The following WASF1 variants were observed in gnomAD, a reference collection of about 807,000 sequenced individuals.
WASF1 encodes the protein WASP family member 1.
In WASF1, 7 loss-of-function variants were observed where a neutral mutation model predicts 50.5. That is an observed-to-expected ratio of 0.14 (90% CI 0.08 to 0.26). The LOEUF (loss-of-function observed/expected upper bound fraction) is 0.26. Among genes scored for constraint, WASF1 ranks in the 10% least tolerant of loss-of-function variants. WASF1 has a pLI of 1.00. For missense variants in WASF1, 470 were observed against 694.7 expected, an observed-to-expected ratio of 0.68 and a Z score of 3.64; for synonymous variants, 205 against 244.0, an observed-to-expected ratio of 0.84 and a Z score of 1.49.
rs115963351 is a variant in WASF1 at position 110,164,814 on chromosome 6, T to C, written c.-126-4082A>G. Reference sequence around the variant, plus strand: ...ACCAACCAGTATGTCCTCGAGTAGGTAAGTAAAATAAAGTGTGGTACACCC... The same window carrying C: ...ACCAACCAGTATGTCCTCGAGTAGGCAAGTAAAATAAAGTGTGGTACACCC... On this transcript the variant is annotated intron_variant, in intron 2 of 10. Transcript: ENST00000392589. Among the ~76,000 whole-genome samples the C allele has an allele frequency of 5.2e-3, 790 of 151,540 alleles. 9 individuals are homozygous for C. The highest frequency in any genetic ancestry group is 0.019 in the African/African-American group (770 of 41,436).
chr6:110,160,815 G>C (rs185388383), intron 2 of WASF1, 83 bp from the exon 3 acceptor site: 10 of 151,348 alleles, frequency 6.6e-5, no homozygotes, highest in Non-Finnish European at 1.2e-4. Context: ...CTTTTTCTTT[G>C]AATAATTAGA....
chr6:110,117,710 G>A lies in WASF1; in HGVS notation c.134-4250C>T, dbSNP rs772113703. ...AAGAGCAACCCCAAGACACATAATT[G>A]TCAGATTCACCAAGGTTGAAATGAA... On this transcript the variant is annotated intron_variant, in intron 4 of 10. Transcript: ENST00000392589. Among the ~76,000 whole-genome samples, 136 of 152,182 alleles carry A rather than the reference G, an allele frequency of 8.9e-4. 1 individual carries two copies. The highest frequency in any genetic ancestry group is 1.3e-3 in the Admixed American group (20 of 15,296).
chr6:110,115,027 G>A (rs184552054), intron 4 of WASF1, among the ~76,000 whole-genome samples: 189 of 151,940 alleles, frequency 1.2e-3, no homozygotes, highest in African/African-American at 3.9e-3. Flanking sequence ...AGGAGGTCGA[G>A]GCTATTGTGA....
chr6:110,122,313 G>T (rs755543152), intron 4 of WASF1, among the ~76,000 whole-genome samples: 1 of 150,820 alleles, frequency 6.6e-6, no homozygotes, highest in African/African-American at 2.4e-5. Flanking sequence ...TGGCAAAAGC[G>T]TTCCAATTAT....
chr6:110,141,035 AT>A (rs997407504), intron 3 of WASF1, among the ~76,000 whole-genome samples: 22 of 151,640 alleles, frequency 1.5e-4, no homozygotes, highest in African/African-American at 3.4e-4. Flanking sequence ...AAACTTATGA[AT>A]TTTTTTTTCT....
chr6:110,141,828 A>G (rs1315921094), intron 3 of WASF1, among the ~76,000 whole-genome samples: 1 of 151,810 alleles, frequency 6.6e-6, no homozygotes, highest in Non-Finnish European at 1.5e-5. Flanking sequence ...CTGGAGTACA[A>G]TGGCATGATC....
rs1398651885 is a variant in WASF1 at position 110,179,452 on chromosome 6, G to A, written c.-285C>T. ...ACTCGCGCTCACCGTGAAATCTTGG[G>A]GGCTCACGCCTTACCCCTTCTTCAT... On this transcript the variant is annotated 5_prime_UTR_variant, in exon 1 of 11. Transcript: ENST00000392589. The A allele has an allele frequency of 6.6e-6, 1 of 152,530 alleles. No individual in the cohort carries two copies. Among genetic ancestry groups the A allele is most frequent in the East Asian group, 1.9e-4 (1 of 5,152 alleles). The allele number at this position is 152,530 out of a possible 1,614,324, so 9.4% of individuals were successfully genotyped here. A position where few individuals can be genotyped will look rare whatever the true frequency, so the allele number is the denominator to read the frequency against.
intron 5 of WASF1, among the ~76,000 whole-genome samples, chr6:110,110,800 T>G (rs867091443): frequency 6.6e-6 from 1 of 152,032 alleles, no homozygotes. Flanking sequence ...CACTGTGCTA[T>G]TTAGTACTGT....
chr6:110,144,125 T>C (rs1775412576), intron 3 of WASF1, among the ~76,000 whole-genome samples: 1 of 152,192 alleles, frequency 6.6e-6, no homozygotes, highest in African/African-American at 2.4e-5. Flanking sequence ...CCAGCACCTG[T>C]TGTTTCCTGA....
At chr6:110,134,250 G>A (rs1460521332) in intron 3 of WASF1, among the ~76,000 whole-genome samples, 1 of 151,892 alleles carries the variant, frequency 6.6e-6, no homozygotes, top group Non-Finnish European at 1.5e-5. Context: ...TGAGAGATGA[G>A]GATCCAGTTT....
intron 3 of WASF1, among the ~76,000 whole-genome samples, chr6:110,135,575 G>A (rs1027916753): frequency 1.3e-5 from 2 of 152,080 alleles, no homozygotes; most frequent in African/African-American, 4.8e-5. Flanking sequence ...GTATGTGGTA[G>A]GGAGAATAAT....
intron 3 of WASF1, among the ~76,000 whole-genome samples, chr6:110,133,241 CTGCTATATACA>C (rs1280281550): frequency 1.3e-5 from 2 of 152,072 alleles, no homozygotes; most frequent in African/African-American, 2.4e-5. Flanking sequence ...ACAAATTGTG[CTGCTATATACA>C]TGCTATATAC....
chr6:110,121,627 A>G (rs552651048), intron 4 of WASF1, among the ~76,000 whole-genome samples: 5 of 152,346 alleles, frequency 3.3e-5, no homozygotes, highest in African/African-American at 1.2e-4. Context: ...ACAGTGTGGC[A>G]ATTCCTCAAG....
At position 110,179,603 on chromosome 6, in the gene WASF1, G is replaced by C. The variant is rs1486203648; in HGVS notation, c.-436C>G. 1 of 152,048 alleles carries C rather than the reference G, an allele frequency of 6.6e-6. No individual in the cohort carries two copies. Among genetic ancestry groups the C allele is most frequent in the Non-Finnish European group, 1.5e-5 (1 of 68,002 alleles). The allele number at this position is 152,048 out of a possible 1,614,324, so 9.4% of individuals were successfully genotyped here. ...CAGGCGCCAGGCCACAGGGAACGCCGCCTGGGGCGCCAACCCGCCGCCGGA... is the reference window on the plus strand; with the variant it reads ...CAGGCGCCAGGCCACAGGGAACGCCCCCTGGGGCGCCAACCCGCCGCCGGA... On this transcript the variant is annotated 5_prime_UTR_variant, in exon 1 of 11. Coordinates refer to ENST00000392589, the MANE Select transcript of WASF1 (RefSeq NM_003931.3).
intron 3 of WASF1, among the ~76,000 whole-genome samples, chr6:110,136,673 C>A (rs1021594816): frequency 4.6e-5 from 7 of 152,134 alleles, no homozygotes. Context: ...CATGATAGAG[C>A]TTTTCCTTTC....
At chr6:110,127,011 CTAA>C (rs1774446345) in intron 4 of WASF1, among the ~76,000 whole-genome samples, 1 of 152,144 alleles carries the variant, frequency 6.6e-6, no homozygotes. Context: ...ACCCCTCTGA[CTAA>C]TAATGACCCC....
At chr6:110,176,090 A>G (rs1040045266) in intron 2 of WASF1, among the ~76,000 whole-genome samples, 2 of 152,030 alleles carry the variant, frequency 1.3e-5, no homozygotes, top group Non-Finnish European at 2.9e-5. Flanking sequence ...AATGTAATCA[A>G]TTGTGTAGTA....
chr6:110,118,110 G>A (rs1773894665), intron 4 of WASF1, among the ~76,000 whole-genome samples: 1 of 151,656 alleles, frequency 6.6e-6, no homozygotes, highest in African/African-American at 2.4e-5. Context: ...TCAATTAACA[G>A]GCAAAATAAC....
intron 1 of WASF1, among the ~76,000 whole-genome samples, chr6:110,179,005 C>T (rs1777070473): frequency 6.6e-6 from 1 of 152,266 alleles, no homozygotes; most frequent in Admixed American, 6.5e-5. Context: ...CACGCAAACG[C>T]ACGAGCTCGC....
Sources: gnomAD v4.1 joint callset for allele counts (sites outside exome capture counted in the v4.1 genomes callset) on GRCh38, gnomAD v4.1.1 for gene constraint, MANE v1.5 for transcripts, NCBI Gene and HGNC (gene_info 2026-07-23, HGNC 2026-07-21) for gene names.